ZNF254: variants seen among roughly 807,000 people sequenced by gnomAD.
ZNF254 encodes CTD-2017D11.1.
ZNF254 carries 10 observed loss-of-function variants against 12.4 expected under a neutral mutation model. The ratio of observed to expected loss-of-function variants is 0.80; its 90% CI spans 0.50 to 1.36. The LOEUF (loss-of-function observed/expected upper bound fraction) is 1.36, where lower values mean the gene tolerates loss of function less well. Among genes scored for constraint, ZNF254 ranks in the 40% most tolerant of loss-of-function variants. The probability of loss-of-function intolerance (pLI) is 0.00; values close to 1 mark genes in which losing one functional copy is unlikely to be tolerated. For missense variants in ZNF254, 996 were observed against 763.9 expected, an observed-to-expected ratio of 1.30 and a Z score of -3.58; for synonymous variants, 305 against 253.4, an observed-to-expected ratio of 1.20 and a Z score of -1.93.
intron 1 of ZNF254, among the ~76,000 whole-genome samples, chr19:24,094,745 G>A (rs1972577045): frequency 6.6e-6 from 1 of 151,940 alleles, no homozygotes; most frequent in Non-Finnish European, 1.5e-5. Context: ...GGAGTGCAGT[G>A]GCACAATCTC....
At chr19:24,121,250 TC>T (rs948131705) in intron 3 of ZNF254, among the ~76,000 whole-genome samples, 8 of 152,112 alleles carry the variant, frequency 5.3e-5, no homozygotes, top group Non-Finnish European at 7.4e-5. Context: ...TGTTTTTTTT[TC>T]CCCATATTCT....
At chr19:24,083,334 AAC>A (rs1971916570), upstream of ZNF254, among the ~76,000 whole-genome samples, 1 of 152,180 alleles carries the variant, frequency 6.6e-6, no homozygotes, top group South Asian at 2.1e-4. Context: ...TACAAATAAA[AAC>A]ACATCCCATG....
chr19:24,067,231 TGTCC>T (rs1293573912), intron 2 of ZNF254, among the ~76,000 whole-genome samples: 1 of 152,106 alleles, frequency 6.6e-6, no homozygotes, highest in Non-Finnish European at 1.5e-5. Context: ...ATCTTCACTT[TGTCC>T]ATAGGTTAGC....
intron 1 of ZNF254, among the ~76,000 whole-genome samples, chr19:24,045,915 T>A (rs55752840): frequency 0.14 from 21,559 of 151,670 alleles, 1,831 homozygotes; most frequent in Middle Eastern, 0.23. Flanking sequence ...AAAAAAAAAA[T>A]TCTAAGTTTG....
intron 2 of ZNF254, among the ~76,000 whole-genome samples, chr19:24,059,099 C>T (rs1970973819): frequency 6.6e-6 from 1 of 152,230 alleles, no homozygotes; most frequent in Non-Finnish European, 1.5e-5. Context: ...TTGCCTTGGG[C>T]CTGCCCTCAG....
intron 3 of ZNF254, among the ~76,000 whole-genome samples, chr19:24,117,391 G>T (rs1484203614): frequency 1.3e-5 from 2 of 152,144 alleles, no homozygotes; most frequent in African/African-American, 2.4e-5. Context: ...AGGAAGCCTG[G>T]GCAATGGCGG....
At position 24,105,235 on chromosome 19, in the gene ZNF254, C is replaced by A. The variant is rs190920913; in HGVS notation, c.31-705C>A. Reference sequence around the variant, plus strand: ...TCTTTATGGAGCTGATGTGCATAAACCATCACGTTTAATCTGGCTGCCTTT... The same window carrying A: ...TCTTTATGGAGCTGATGTGCATAAAACATCACGTTTAATCTGGCTGCCTTT... On this transcript the variant is annotated intron_variant, in intron 1 of 3. Coordinates refer to ENST00000357002, the MANE Select transcript of ZNF254 (RefSeq NM_203282.4). The A allele has an allele frequency of 4.3e-3, 740 of 172,760 alleles. 5 individuals carry two copies. The highest frequency in any genetic ancestry group is 0.016 in the African/African-American group (687 of 41,700). The allele number at this position is 172,760 out of a possible 1,614,324, so 10.7% of individuals were successfully genotyped here. A position where few individuals can be genotyped will look rare whatever the true frequency, so the allele number is the denominator to read the frequency against.
At chr19:24,089,885 A>G (rs1972261219) in intron 1 of ZNF254, among the ~76,000 whole-genome samples, 1 of 151,860 alleles carries the variant, frequency 6.6e-6, no homozygotes, top group Non-Finnish European at 1.5e-5. Flanking sequence ...TCTAGAAAAC[A>G]AAACAAAACA....
intron 2 of ZNF254, among the ~76,000 whole-genome samples, chr19:24,046,688 A>G (rs138047418): frequency 6.6e-6 from 1 of 152,184 alleles, no homozygotes; most frequent in Non-Finnish European, 1.5e-5. Flanking sequence ...GTGAACAACA[A>G]TTATTTCGCA....
chr19:24,086,209 C>CAAAAAAT (rs547424466), upstream of ZNF254, among the ~76,000 whole-genome samples: 735 of 149,598 alleles, frequency 4.9e-3, 6 homozygotes, highest in African/African-American at 0.017. Flanking sequence ...TTCGTCTAGA[C>CAAAAAAT]AAAAAATAAA....
At chr19:24,035,218 C>G (rs1969921108) in intron 1 of ZNF254, among the ~76,000 whole-genome samples, 1 of 152,054 alleles carries the variant, frequency 6.6e-6, no homozygotes, top group African/African-American at 2.4e-5. Flanking sequence ...GGCAGGCGGG[C>G]ACTGGCGTGA....
rs1213621248 is a variant in ZNF254, at chr19:24,128,959, T to C, written c.*979T>C. On this transcript the variant is annotated 3_prime_UTR_variant, in exon 4 of 4. Transcript: ENST00000357002. ...CAACTCTTAAATTCATGCTGTTTCA[T>C]CATTGCTGGTGTATTCATATGTGAA... The C allele has an allele frequency of 6.6e-6, 1 of 152,064 alleles. No homozygotes were observed. The highest frequency in any genetic ancestry group is 1.5e-5 in the Non-Finnish European group (1 of 67,922). 9.4% of individuals were successfully genotyped at this position (152,064 alleles called of 1,614,324 possible).
chr19:24,050,084 C>T (rs576639041), intron 2 of ZNF254, among the ~76,000 whole-genome samples: 25 of 152,062 alleles, frequency 1.6e-4, no homozygotes, highest in Admixed American at 3.9e-4. Context: ...CTGCCTGGAC[C>T]CTGCCTACAA....
intron 2 of ZNF254, among the ~76,000 whole-genome samples, chr19:24,070,151 G>C (rs903821305): frequency 1.3e-5 from 2 of 152,174 alleles, no homozygotes; most frequent in African/African-American, 4.8e-5. Flanking sequence ...ATATTGATCA[G>C]CCAATTGGAG....
At chr19:24,092,701 A>G (rs535004827) in intron 1 of ZNF254, among the ~76,000 whole-genome samples, 143 of 152,298 alleles carry the variant, frequency 9.4e-4, no homozygotes, top group African/African-American at 3.3e-3. Flanking sequence ...TTCTTTATTC[A>G]GTCTACCATT....
chr19:24,052,082 T>C (rs931277391), intron 2 of ZNF254, among the ~76,000 whole-genome samples: 5 of 152,140 alleles, frequency 3.3e-5, no homozygotes, highest in Non-Finnish European at 5.9e-5. Context: ...TAAGGGGTAG[T>C]GTGACATATT....
chr19:24,047,210 C>G (rs754830024), intron 2 of ZNF254, among the ~76,000 whole-genome samples: 1 of 151,880 alleles, frequency 6.6e-6, no homozygotes, highest in Non-Finnish European at 1.5e-5. Context: ...TTTTGTCTCT[C>G]TCTTTCTATG....
chr19:24,085,874 G>GA (rs1035943487), upstream of ZNF254, among the ~76,000 whole-genome samples: 2 of 152,024 alleles, frequency 1.3e-5, no homozygotes, highest in African/African-American at 4.8e-5. Context: ...GTTTCAAATT[G>GA]AAAATATAAA....
At chr19:24,085,598 C>T (rs142459406), upstream of ZNF254, among the ~76,000 whole-genome samples, 1 of 151,484 alleles carries the variant, frequency 6.6e-6, no homozygotes, top group East Asian at 2.0e-4. Flanking sequence ...AAGGCAAATT[C>T]CAGTCCCTAC....
Sources: allele counts gnomAD v4.1 joint callset (sites outside exome capture counted in the v4.1 genomes callset), GRCh38; gene constraint gnomAD v4.1.1; transcripts MANE v1.5; gene names NCBI Gene and HGNC (gene_info 2026-07-23, HGNC 2026-07-21).